GRID2: variants seen among roughly 807,000 people sequenced by gnomAD.
GRID2 encodes glutamate receptor ionotropic, delta-2.
In GRID2, 33 loss-of-function variants were observed where a neutral mutation model predicts 114.8. That is an observed-to-expected ratio of 0.29 (90% CI 0.22 to 0.38). GRID2 has a LOEUF of 0.38. GRID2 is among the 10% of genes least tolerant of loss of function. The probability of loss-of-function intolerance (pLI) is 1.00; values close to 1 mark genes in which losing one functional copy is unlikely to be tolerated. For missense variants in GRID2, 1,184 were observed against 1,257.7 expected (o/e 0.94, Z 0.89); for synonymous variants, 505 against 449.9 (o/e 1.12, Z -1.55).
chr4:93,080,128 A>T (rs1219641510), intron 2 of GRID2, among the ~76,000 whole-genome samples: 1 of 152,156 alleles, frequency 6.6e-6, no homozygotes, highest in Non-Finnish European at 1.5e-5. Context: ...TCATATTTGC[A>T]AAGAATTCTA....
intron 1 of GRID2, among the ~76,000 whole-genome samples, chr4:93,782,293 A>G (rs1474221546): frequency 6.6e-6 from 1 of 152,152 alleles, no homozygotes; most frequent in Non-Finnish European, 1.5e-5. Flanking sequence ...ATGTTTCTAA[A>G]CACAGCCTTG....
At chr4:93,072,415 C>A (rs1728888964) in intron 2 of GRID2, among the ~76,000 whole-genome samples, 1 of 151,982 alleles carries the variant, frequency 6.6e-6, no homozygotes, top group South Asian at 2.1e-4. Context: ...ATAGCAGACA[C>A]AAGGGGAGTT....
At chr4:93,035,302 G>A (rs1461254839) in intron 2 of GRID2, among the ~76,000 whole-genome samples, 2 of 151,960 alleles carry the variant, frequency 1.3e-5, no homozygotes, top group Non-Finnish European at 2.9e-5. Flanking sequence ...TATATGAAAT[G>A]GGTTTTCACT....
At chr4:92,371,610 C>G (rs1729119452) in intron 1 of GRID2, among the ~76,000 whole-genome samples, 4 of 152,158 alleles carry the variant, frequency 2.6e-5, no homozygotes, top group Admixed American at 2.6e-4. Context: ...AGAAAAGATT[C>G]CTTTCAACAT....
At chr4:93,092,671 T>C (rs1416981827) in intron 3 of GRID2, among the ~76,000 whole-genome samples, 1 of 152,046 alleles carries the variant, frequency 6.6e-6, no homozygotes. Context: ...ACTTTCACTA[T>C]GGGTTTCTCC....
chr4:92,598,542 T>C (rs1184493082), intron 2 of GRID2, among the ~76,000 whole-genome samples: 17 of 152,140 alleles, frequency 1.1e-4, no homozygotes, highest in Admixed American at 1.1e-3. Context: ...GAAAAACATA[T>C]ATATTAAGTT....
At chr4:93,591,528 C>G (rs953373834) in intron 13 of GRID2, among the ~76,000 whole-genome samples, 92 of 152,064 alleles carry the variant, frequency 6.1e-4, no homozygotes, top group South Asian at 8.3e-4. Flanking sequence ...TTTTTTGGTT[C>G]TGTCTCTGCC....
intron 1 of GRID2, among the ~76,000 whole-genome samples, chr4:92,522,519 A>G (rs1021423354): frequency 1.3e-5 from 2 of 152,016 alleles, no homozygotes; most frequent in African/African-American, 2.4e-5. Context: ...TAAATTTCAC[A>G]AAGTGCAAAG....
At chr4:92,551,061 G>C (rs1726561350) in intron 1 of GRID2, among the ~76,000 whole-genome samples, 1 of 152,126 alleles carries the variant, frequency 6.6e-6, no homozygotes, top group Non-Finnish European at 1.5e-5. Context: ...AAGATAGTGT[G>C]CATATTGCTT....
intron 2 of GRID2, chr4:92,702,269 T>A (rs1185865899): frequency 6.6e-6 from 1 of 152,146 alleles, no homozygotes; most frequent in Non-Finnish European, 1.5e-5. Context: ...TAGGGTTTGT[T>A]AAGGTGGCAG....
At chr4:93,032,559 T>G (rs577878298) in intron 2 of GRID2, among the ~76,000 whole-genome samples, 25 of 152,284 alleles carry the variant, frequency 1.6e-4, no homozygotes, top group South Asian at 6.2e-4. Context: ...ACTCTTATCT[T>G]AATTAGAAAG....
At chr4:92,673,645 C>T (rs1324427559) in intron 2 of GRID2, among the ~76,000 whole-genome samples, 1 of 152,068 alleles carries the variant, frequency 6.6e-6, no homozygotes, top group Non-Finnish European at 1.5e-5. Flanking sequence ...AATTCTAAGA[C>T]AGATTTACTT....
At chr4:93,324,621 C>T (rs1757625515) in intron 8 of GRID2, among the ~76,000 whole-genome samples, 1 of 152,122 alleles carries the variant, frequency 6.6e-6, no homozygotes. Context: ...GTACCAGCTC[C>T]TCTTTGTACC....
At chr4:92,781,661 G>T (rs1205547474) in intron 2 of GRID2, among the ~76,000 whole-genome samples, 1 of 151,820 alleles carries the variant, frequency 6.6e-6, no homozygotes, top group Non-Finnish European at 1.5e-5. Context: ...ATTTATTACT[G>T]GGATTTTGTT....
At chr4:92,594,444 C>T (rs142548380) in intron 2 of GRID2, among the ~76,000 whole-genome samples, 222 of 151,992 alleles carry the variant, frequency 1.5e-3, no homozygotes, top group African/African-American at 4.9e-3. Flanking sequence ...CATCTCTATG[C>T]TTCTATGACC....
At chr4:93,332,255 T>G (rs1263220043) in intron 8 of GRID2, among the ~76,000 whole-genome samples, 1 of 131,174 alleles carries the variant, frequency 7.6e-6, no homozygotes, top group Non-Finnish European at 1.6e-5. Context: ...AAAAAGAGTG[T>G]GTGTGTGTGT....
chr4:92,544,036 G>C (rs944464687), intron 1 of GRID2, among the ~76,000 whole-genome samples: 1 of 152,062 alleles, frequency 6.6e-6, no homozygotes, highest in East Asian at 1.9e-4. Flanking sequence ...CCAAATACTA[G>C]TCATGACTTT....
chr4:92,913,494 C>T (rs1560694052), intron 2 of GRID2, among the ~76,000 whole-genome samples: 1 of 151,792 alleles, frequency 6.6e-6, no homozygotes, highest in African/African-American at 2.4e-5. Context: ...ATCTGAACTC[C>T]CTCTGTTTTA....
At chr4:93,744,252 G>C (rs2110263214) in intron 14 of GRID2, among the ~76,000 whole-genome samples, 1 of 152,320 alleles carries the variant, frequency 6.6e-6, no homozygotes, top group East Asian at 1.9e-4. Flanking sequence ...TCAAGGAGTA[G>C]TTTTGACTTC....
Sources: allele counts gnomAD v4.1 joint callset (sites outside exome capture counted in the v4.1 genomes callset), GRCh38; gene constraint gnomAD v4.1.1; transcripts MANE v1.5; gene names NCBI Gene and HGNC (gene_info 2026-07-23, HGNC 2026-07-21).